The following OGG1 variants were observed in gnomAD, a reference collection of about 807,000 sequenced individuals.
The protein encoded by OGG1 is 8-oxoguanine DNA glycosylase.
A neutral mutation model predicts 42.3 loss-of-function variants in OGG1; 35 were observed. That is an observed-to-expected ratio of 0.83 (90% CI 0.63 to 1.10). OGG1 has a LOEUF of 1.10. OGG1 is among the 50% of genes least tolerant of loss of function. The pLI is 0.00. For missense variants in OGG1, 484 were observed against 446.7 expected, an observed-to-expected ratio of 1.08 and a Z score of -0.75; for synonymous variants, 189 against 179.0, an observed-to-expected ratio of 1.06 and a Z score of -0.44.
chr3:9,769,386 T>G (rs2078245006), downstream of OGG1, among the ~76,000 whole-genome samples: 1 of 151,970 alleles, frequency 6.6e-6, no homozygotes, highest in South Asian at 2.1e-4. Context: ...TACACAATTG[T>G]ACACCCCCTC....
intron 3 of OGG1, chr3:9,783,935 T>A: frequency 6.9e-7 from 1 of 1,451,428 alleles, no homozygotes; most frequent in Non-Finnish European, 9.1e-7. Flanking sequence ...CAGCCAGGAT[T>A]GGAAAGCCTG....
chr3:9,770,416 C>T (rs1238729782), downstream of OGG1, among the ~76,000 whole-genome samples: 3 of 151,936 alleles, frequency 2.0e-5, no homozygotes, highest in Non-Finnish European at 2.9e-5. Context: ...GGGGAAGGAC[C>T]GGGCAAGACT....
chr3:9,758,945 A>G (rs1279228794), downstream of OGG1: 2 of 480,882 alleles, frequency 4.2e-6, no homozygotes, highest in Non-Finnish European at 7.6e-6. Flanking sequence ...AGCCCTTTCT[A>G]TGCAGCAAAT....
intron 3 of OGG1, among the ~76,000 whole-genome samples, chr3:9,752,523 C>CT (rs2077350999): frequency 2.8e-5 from 3 of 105,474 alleles, no homozygotes; most frequent in Non-Finnish European, 5.2e-5. Flanking sequence ...GAGCGAGACT[C>CT]TGTCTCAAAA....
At chr3:9,787,843 G>A in exon 4 of OGG1, 2 of 621,542 alleles carry the variant, frequency 3.2e-6, no homozygotes, top group Non-Finnish European at 5.2e-6. Context: ...GTGCTTTGGT[G>A]GAGGTAACAT....
chr3:9,770,180 G>A (rs1036708721), downstream of OGG1, among the ~76,000 whole-genome samples: 2 of 152,204 alleles, frequency 1.3e-5, no homozygotes, highest in African/African-American at 4.8e-5. Context: ...ACTGAGGCCC[G>A]GAGAGATGAT....
chr3:9,779,088 G>C (rs1331274321), intron 2 of OGG1, among the ~76,000 whole-genome samples: 1 of 151,880 alleles, frequency 6.6e-6, no homozygotes, highest in East Asian at 1.9e-4. Flanking sequence ...TGTCCCTTAG[G>C]CCAAGCTTCC....
chr3:9,751,794 C>CCATCGA lies in OGG1; in HGVS notation c.411_416dup (p.Ile138_Glu139insAspIle), dbSNP rs1451249652. Reference sequence around the variant, plus strand: ...GGTGTGCGACTGCTGCGACAAGACCCCATCGAATGCCTTTTCTCTTTTATC... The same window carrying CCATCGA: ...GGTGTGCGACTGCTGCGACAAGACCCCATCGACATCGAATGCCTTTTCTCTTTTATC... On this transcript the variant is annotated inframe_insertion, in exon 3 of 7. Coordinates refer to ENST00000344629, the MANE Select transcript of OGG1 (RefSeq NM_002542.6). 3.1e-6 allele frequency: 5 copies of CCATCGA among 1,614,216 alleles called. No individual in the cohort carries two copies. The highest frequency in any genetic ancestry group is 4.2e-6 in the Non-Finnish European group (5 of 1,180,040).
downstream of OGG1, chr3:9,759,907 C>G: frequency 8.4e-7 from 1 of 1,184,004 alleles, no homozygotes; most frequent in East Asian, 2.6e-5. Context: ...CTTCTTCAGG[C>G]CCTCCCACCC....
At chr3:9,781,828 TACTTC>T (rs1378504319) in intron 3 of OGG1, among the ~76,000 whole-genome samples, 1 of 143,666 alleles carries the variant, frequency 7.0e-6, no homozygotes, top group Non-Finnish European at 1.5e-5. Context: ...CATTGCCCAT[TACTTC>T]TTTTTTTTTT....
At chr3:9,783,850 C>T (rs1668703840) in intron 3 of OGG1, 1 of 1,136,056 alleles carries the variant, frequency 8.8e-7, no homozygotes, top group Non-Finnish European at 1.2e-6. Context: ...TCTGTGGAAT[C>T]AGAATTTGTT....
rs751560649 is a variant in OGG1 at position 9,751,052 on chromosome 3, A to G, written c.245A>G (p.Lys82Arg). 1 of 1,613,888 alleles carries G rather than the reference A, an allele frequency of 6.2e-7. No individual in the cohort carries two copies. Among genetic ancestry groups the G allele is most frequent in the South Asian group, 1.1e-5 (1 of 91,028 alleles). ...CACTGCACTGTGTACCGAGGAGACA[A>G]GAGCCAGGCTAGCAGGCCCACACCA... ...QLHCTVYRGDKSQASRPTPDE... is the reference protein window; with the variant it reads ...QLHCTVYRGDRSQASRPTPDE... The change falls in exon 2 of 7, where the codon AAG (lysine) becomes AGG (arginine). Residue 82 changes from lysine to arginine, a missense_variant. Physicochemically the swap from Lys to Arg is conservative, Grantham distance 26. Transcript: ENST00000344629.
intron 3 of OGG1, among the ~76,000 whole-genome samples, chr3:9,785,132 G>C (rs1056402393): frequency 6.6e-6 from 1 of 152,132 alleles, no homozygotes; most frequent in African/African-American, 2.4e-5. Flanking sequence ...GTTCTGTGCT[G>C]AACAACCCTG....
chr3:9,752,114 A>T, intron 3 of OGG1, 165 bp downstream of exon 3: 1 of 659,256 alleles, frequency 1.5e-6, no homozygotes, highest in South Asian at 1.8e-5. Context: ...CTCCCTATGC[A>T]TCCCTAAAAT....
chr3:9,769,631 C>T (rs1028269084), downstream of OGG1, among the ~76,000 whole-genome samples: 2 of 152,220 alleles, frequency 1.3e-5, no homozygotes, highest in African/African-American at 4.8e-5. Context: ...CTCTATTACC[C>T]ACTCAGTGTC....
intron 7 of OGG1, chr3:9,763,105 GGT>G: frequency 2.5e-6 from 4 of 1,614,164 alleles, no homozygotes; most frequent in Non-Finnish European, 2.5e-6. Flanking sequence ...AGCTGGGAGA[GGT>G]GTGGGGGCAG....
At chr3:9,762,744 G>GTATC (rs974281201) in intron 7 of OGG1, among the ~76,000 whole-genome samples, 4 of 152,022 alleles carry the variant, frequency 2.6e-5, no homozygotes, top group African/African-American at 9.7e-5. Context: ...GTTCCTTTGA[G>GTATC]TATCTGGACT....
intron 2 of OGG1, among the ~76,000 whole-genome samples, chr3:9,772,032 G>A (rs984891727): frequency 5.3e-5 from 8 of 151,748 alleles, no homozygotes; most frequent in African/African-American, 1.7e-4. Flanking sequence ...TGGTCAGGCT[G>A]GTCTCGAACT....
chr3:9,773,942 G>A (rs1025870508), intron 2 of OGG1, among the ~76,000 whole-genome samples: 1 of 152,102 alleles, frequency 6.6e-6, no homozygotes, highest in African/African-American at 2.4e-5. Context: ...CTGGAATCAA[G>A]TGATCCTCCT....
Sources: allele counts gnomAD v4.1 joint callset (sites outside exome capture counted in the v4.1 genomes callset), GRCh38; gene constraint gnomAD v4.1.1; transcripts MANE v1.5; gene names NCBI Gene and HGNC (gene_info 2026-07-23, HGNC 2026-07-21).